ASPRV1: variants seen among roughly 807,000 people sequenced by gnomAD.
ASPRV1 encodes the protein retroviral-like aspartic protease 1.
ASPRV1 carries 7 observed loss-of-function variants against 11.0 expected under a neutral mutation model. The observed-to-expected ratio is 0.64, with a 90% confidence interval of 0.36 to 1.20. The LOEUF (loss-of-function observed/expected upper bound fraction) is 1.20. Among genes scored for constraint, ASPRV1 ranks in the 50% most tolerant of loss-of-function variants. The probability of loss-of-function intolerance (pLI) is 0.02; values close to 1 mark genes in which losing one functional copy is unlikely to be tolerated. For missense variants in ASPRV1, 299 were observed against 320.0 expected (o/e 0.93, Z 0.50); for synonymous variants, 136 against 138.4 (o/e 0.98, Z 0.12).
chr2:69,935,105 A>G, the ASPRV1 span, among the ~76,000 whole-genome samples: 1 of 152,228 alleles, frequency 6.6e-6, no homozygotes, highest in Non-Finnish European at 1.5e-5. Flanking sequence ...ATAATAGCAG[A>G]TATTATTCCC....
the ASPRV1 span, among the ~76,000 whole-genome samples, chr2:70,063,106 G>C: frequency 3.3e-5 from 5 of 152,130 alleles, no homozygotes; most frequent in South Asian, 6.2e-4. Context: ...CCGTTCCTCA[G>C]TAAGTACTCT....
downstream of ASPRV1, among the ~76,000 whole-genome samples, chr2:69,956,479 A>AAGAAGAAG (rs1558579534): frequency 2.8e-4 from 37 of 132,040 alleles, 1 homozygote; most frequent in African/African-American, 6.9e-4. Flanking sequence ...AGAAGAAGAA[A>AAGAAGAAG]AGAGGAAGAA....
chr2:70,037,657 A>G, the ASPRV1 span, among the ~76,000 whole-genome samples: 10,378 of 152,050 alleles, frequency 0.068, 1,229 homozygotes, highest in African/African-American at 0.24. Context: ...TTAACGTGTA[A>G]AAGCTCTGTG....
chr2:69,989,479 T>C, the ASPRV1 span, among the ~76,000 whole-genome samples: 1 of 152,100 alleles, frequency 6.6e-6, no homozygotes, highest in Non-Finnish European at 1.5e-5. Flanking sequence ...GGCCCAGGAA[T>C]GGGGGGCTGT....
the ASPRV1 span, among the ~76,000 whole-genome samples, chr2:70,009,242 TA>T: frequency 1.3e-5 from 2 of 152,132 alleles, no homozygotes; most frequent in Non-Finnish European, 2.9e-5. Context: ...TACTTGTCTA[TA>T]TATTTCCAAA....
the ASPRV1 span, among the ~76,000 whole-genome samples, chr2:69,979,416 T>C: frequency 6.6e-6 from 1 of 152,186 alleles, no homozygotes; most frequent in Admixed American, 6.5e-5. Flanking sequence ...TCTGGGCTCC[T>C]TGTAGTCTCT....
the ASPRV1 span, among the ~76,000 whole-genome samples, chr2:70,036,336 A>G: frequency 4.0e-3 from 613 of 152,264 alleles, 1 homozygote; most frequent in African/African-American, 0.014. Flanking sequence ...ATGTTGTAGC[A>G]TGCAAAATGA....
chr2:70,023,667 C>T, the ASPRV1 span, among the ~76,000 whole-genome samples: 2 of 135,014 alleles, frequency 1.5e-5, no homozygotes, highest in Non-Finnish European at 3.0e-5. Flanking sequence ...GAGCAAGACT[C>T]TGTCTCAAAA....
the ASPRV1 span, among the ~76,000 whole-genome samples, chr2:70,008,853 G>A: frequency 2.6e-5 from 4 of 152,108 alleles, no homozygotes; most frequent in East Asian, 7.7e-4. Context: ...CCACTCCCAA[G>A]GAAATCCTTC....
At chr2:69,985,785 CTGTAGACGAGGTGG>C in the ASPRV1 span, among the ~76,000 whole-genome samples, 1 of 152,264 alleles carries the variant, frequency 6.6e-6, no homozygotes, top group East Asian at 1.9e-4. Flanking sequence ...TCACAGACTG[CTGTAGACGAGGTGG>C]TGAAGAGCTC....
the ASPRV1 span, chr2:70,053,784 A>G: frequency 6.6e-6 from 1 of 152,180 alleles, no homozygotes; most frequent in Non-Finnish European, 1.5e-5. Context: ...AGTCCCCAAC[A>G]CACTTGGTCT....
chr2:69,940,378 C>T, the ASPRV1 span: 1 of 152,402 alleles, frequency 6.6e-6, no homozygotes, highest in Admixed American at 6.5e-5. Flanking sequence ...CATTTTGTTT[C>T]ATTGCTACAT....
At chr2:69,993,475 C>A in the ASPRV1 span, 2 of 152,226 alleles carry the variant, frequency 1.3e-5, no homozygotes, top group Admixed American at 6.5e-5. Flanking sequence ...CCAACTAGGG[C>A]TGTGTGGAGA....
the ASPRV1 span, among the ~76,000 whole-genome samples, chr2:69,970,220 A>C: frequency 4.0e-5 from 6 of 151,598 alleles, no homozygotes; most frequent in African/African-American, 1.5e-4. Flanking sequence ...GCCTCAGGGC[A>C]CCCTGCTGAG....
chr2:69,954,623 C>G, the ASPRV1 span, among the ~76,000 whole-genome samples: 1 of 152,186 alleles, frequency 6.6e-6, no homozygotes, highest in East Asian at 1.9e-4. Flanking sequence ...TAGCCAACAC[C>G]AGCAGGCTTG....
At chr2:70,081,175 A>G in the ASPRV1 span, 4 of 152,320 alleles carry the variant, frequency 2.6e-5, no homozygotes, top group East Asian at 7.7e-4. Flanking sequence ...TACTATCTAC[A>G]ATATGGGTAA....
At chr2:70,032,559 G>A in the ASPRV1 span, among the ~76,000 whole-genome samples, 2 of 152,086 alleles carry the variant, frequency 1.3e-5, no homozygotes, top group African/African-American at 4.8e-5. Flanking sequence ...TCAAGAGGCT[G>A]AGGCAGGAGG....
chr2:70,022,346 AAC>A, the ASPRV1 span, among the ~76,000 whole-genome samples: 4 of 138,572 alleles, frequency 2.9e-5, no homozygotes, highest in South Asian at 2.3e-4. Context: ...TTCTTACCAA[AAC>A]ACACACACAC....
the ASPRV1 span, chr2:70,016,423 C>T: frequency 1.3e-5 from 2 of 152,070 alleles, no homozygotes; most frequent in Non-Finnish European, 2.9e-5. Context: ...ACCTGTAATA[C>T]CAGCACTTTA....
Sources: gnomAD v4.1 joint callset for allele counts (sites outside exome capture counted in the v4.1 genomes callset) on GRCh38, gnomAD v4.1.1 for gene constraint, MANE v1.5 for transcripts, NCBI Gene and HGNC (gene_info 2026-07-23, HGNC 2026-07-21) for gene names.